The following RARB variants were observed in gnomAD, a reference collection of about 807,000 sequenced individuals.
RARB encodes the protein HBV-activated protein.
Under a neutral mutation model 51.9 loss-of-function variants are expected in RARB, and 17 were observed. The ratio of observed to expected loss-of-function variants is 0.33; its 90% CI spans 0.22 to 0.49. RARB has a LOEUF of 0.49. RARB is among the 20% of genes least tolerant of loss of function. The pLI is 0.99. For missense variants in RARB, 369 were observed against 550.8 expected (o/e 0.67, Z 3.30); for synonymous variants, 215 against 195.4 (o/e 1.10, Z -0.84).
chr3:25,221,742 A>G (rs1286950608), intron 5 of RARB, among the ~76,000 whole-genome samples: 1 of 152,160 alleles, frequency 6.6e-6, no homozygotes, highest in Non-Finnish European at 1.5e-5. Context: ...ACAAGCTCTC[A>G]AACCCGCATC....
At chr3:25,470,658 C>A (rs1484655654) in intron 2 of RARB, among the ~76,000 whole-genome samples, 1 of 152,148 alleles carries the variant, frequency 6.6e-6, no homozygotes, top group East Asian at 1.9e-4. Context: ...CCTATATAAA[C>A]AACTAGGGAT....
intron 3 of RARB, among the ~76,000 whole-genome samples, chr3:25,118,204 C>A (rs1485815617): frequency 6.6e-6 from 1 of 152,102 alleles, no homozygotes; most frequent in African/African-American, 2.4e-5. Flanking sequence ...GCAGTGATAA[C>A]CCTCATCAGC....
At chr3:25,035,593 T>G (rs1245539443) in intron 2 of RARB, among the ~76,000 whole-genome samples, 1 of 152,132 alleles carries the variant, frequency 6.6e-6, no homozygotes, top group Non-Finnish European at 1.5e-5. Context: ...GAGCCCAAAC[T>G]CATATTGATG....
chr3:25,134,877 T>C (rs1202372949), intron 4 of RARB, among the ~76,000 whole-genome samples: 1 of 152,024 alleles, frequency 6.6e-6, no homozygotes, highest in African/African-American at 2.4e-5. Flanking sequence ...TCTCAGGCTT[T>C]CTTGCTGCTG....
intron 5 of RARB, among the ~76,000 whole-genome samples, chr3:25,421,778 A>C (rs1195575615): frequency 6.6e-6 from 1 of 152,166 alleles, no homozygotes; most frequent in Non-Finnish European, 1.5e-5. Flanking sequence ...AGGTACCATT[A>C]ATATTTACAT....
chr3:25,501,991 C>G (rs1697339359), intron 3 of RARB, among the ~76,000 whole-genome samples: 2 of 152,320 alleles, frequency 1.3e-5, no homozygotes, highest in South Asian at 4.1e-4. Flanking sequence ...AAATTTCGCT[C>G]TTTCTCTATT....
intron 2 of RARB, among the ~76,000 whole-genome samples, chr3:24,882,421 T>C (rs1270055437): frequency 1.3e-5 from 2 of 152,224 alleles, no homozygotes; most frequent in Non-Finnish European, 2.9e-5. Flanking sequence ...CTAGAGATGA[T>C]TTGAAGTATA....
chr3:25,479,630 GTTAC>G (rs1357440622), intron 2 of RARB, among the ~76,000 whole-genome samples: 2 of 152,184 alleles, frequency 1.3e-5, no homozygotes, highest in African/African-American at 2.4e-5. Flanking sequence ...GCTCTGAATT[GTTAC>G]TTTGTTAGTC....
At chr3:25,245,465 T>C (rs1386177081) in intron 5 of RARB, among the ~76,000 whole-genome samples, 1 of 152,208 alleles carries the variant, frequency 6.6e-6, no homozygotes. Context: ...CCACATTTAG[T>C]GTTTCCTTAA....
chr3:25,261,345 C>T (rs573381440), intron 5 of RARB, among the ~76,000 whole-genome samples: 24 of 152,138 alleles, frequency 1.6e-4, no homozygotes, highest in Admixed American at 9.8e-4. Context: ...CCTAGAACAC[C>T]ATACTTACTA....
At chr3:24,928,421 A>G (rs1025950648) in intron 2 of RARB, among the ~76,000 whole-genome samples, 2 of 152,032 alleles carry the variant, frequency 1.3e-5, no homozygotes, top group Non-Finnish European at 2.9e-5. Context: ...ACAAAGATGG[A>G]AAGACCTAGG....
At chr3:25,208,269 G>A (rs1701605752) in intron 5 of RARB, among the ~76,000 whole-genome samples, 1 of 152,120 alleles carries the variant, frequency 6.6e-6, no homozygotes, top group African/African-American at 2.4e-5. Flanking sequence ...AGACGCTAAG[G>A]ATCCAAGGAT....
intron 2 of RARB, among the ~76,000 whole-genome samples, chr3:24,978,405 G>C (rs962714920): frequency 6.6e-6 from 1 of 152,040 alleles, no homozygotes; most frequent in African/African-American, 2.4e-5. Context: ...TGGTTGGTAG[G>C]CTATTAATTA....
intron 4 of RARB, among the ~76,000 whole-genome samples, chr3:25,133,791 G>A (rs931138529): frequency 2.6e-5 from 4 of 151,050 alleles, no homozygotes; most frequent in South Asian, 2.1e-4. Flanking sequence ...AAGGTTGATC[G>A]ACACTGATGA....
At chr3:25,337,393 C>T (rs1705095008) in intron 5 of RARB, among the ~76,000 whole-genome samples, 1 of 152,166 alleles carries the variant, frequency 6.6e-6, no homozygotes. Flanking sequence ...GAATCTACAG[C>T]ATTTATTTGA....
intron 3 of RARB, among the ~76,000 whole-genome samples, chr3:25,063,901 T>C (rs547148139): frequency 1.4e-4 from 21 of 152,094 alleles, no homozygotes; most frequent in African/African-American, 5.1e-4. Flanking sequence ...AGCACTACTT[T>C]GTGACTTAGC....
At chr3:24,995,567 C>A (rs1697003512) in intron 2 of RARB, among the ~76,000 whole-genome samples, 1 of 152,058 alleles carries the variant, frequency 6.6e-6, no homozygotes, top group Admixed American at 6.6e-5. Flanking sequence ...GAAAATCTTT[C>A]AGCTTTTCCC....
chr3:25,555,856 C>T (rs1700036342), intron 3 of RARB, among the ~76,000 whole-genome samples: 1 of 152,108 alleles, frequency 6.6e-6, no homozygotes, highest in Admixed American at 6.5e-5. Context: ...CCTTAGAAGG[C>T]ATTAGCAGAT....
intron 3 of RARB, among the ~76,000 whole-genome samples, chr3:25,563,772 A>G (rs960145207): frequency 1.3e-5 from 2 of 152,208 alleles, no homozygotes; most frequent in African/African-American, 4.8e-5. Context: ...ACAACCCCAT[A>G]GTTCTAATCA....
Sources: allele counts gnomAD v4.1 joint callset (sites outside exome capture counted in the v4.1 genomes callset), GRCh38; gene constraint gnomAD v4.1.1; transcripts MANE v1.5; gene names NCBI Gene and HGNC (gene_info 2026-07-23, HGNC 2026-07-21).